The following RP1 variants were observed in gnomAD, a reference collection of about 807,000 sequenced individuals.
RP1 encodes oxygen-regulated protein 1.
A neutral mutation model predicts 14.8 loss-of-function variants in RP1; 16 were observed. The observed-to-expected ratio is 1.08, with a 90% confidence interval of 0.73 to 1.65. The LOEUF (loss-of-function observed/expected upper bound fraction) is 1.65, where lower values mean the gene tolerates loss of function less well. Among genes scored for constraint, RP1 ranks in the 40% most tolerant of loss-of-function variants. The pLI is 0.00. For synonymous variants in RP1, 876 were observed against 883.6 expected (o/e 0.99, Z 0.15); for missense variants, 2,631 against 2,535.0 (o/e 1.04, Z -0.81).
chr8:54,714,716 C>G (rs901119529), intron 15 of RP1, among the ~76,000 whole-genome samples: 1 of 152,232 alleles, frequency 6.6e-6, no homozygotes, highest in Admixed American at 6.5e-5. Context: ...GCTCTGCATG[C>G]ATTAAACTCA....
At chr8:54,777,908 G>A (rs1204987613) in intron 23 of RP1, among the ~76,000 whole-genome samples, 1 of 152,072 alleles carries the variant, frequency 6.6e-6, no homozygotes, top group African/African-American at 2.4e-5. Context: ...TGTCCTTTGT[G>A]TGAAAAATGA....
At chr8:54,576,092 G>A (rs1326866844) in intron 1 of RP1, among the ~76,000 whole-genome samples, 1 of 150,660 alleles carries the variant, frequency 6.6e-6, no homozygotes, top group Non-Finnish European at 1.5e-5. Flanking sequence ...CCAGGCTGGA[G>A]TGCAGTGGCG....
intron 24 of RP1, among the ~76,000 whole-genome samples, chr8:54,837,191 A>G (rs1384890289): frequency 1.3e-5 from 2 of 152,220 alleles, no homozygotes; most frequent in East Asian, 3.8e-4. Context: ...TGCATATTGC[A>G]AGATAGTAAT....
At chr8:54,863,043 G>GGA (rs1380137815) in intron 27 of RP1, among the ~76,000 whole-genome samples, 26 of 42,780 alleles carry the variant, frequency 6.1e-4, no homozygotes, top group Admixed American at 1.6e-3. Flanking sequence ...TATTCCAAAT[G>GGA]GATATATATA....
At chr8:54,702,907 G>A (rs1432307502) in intron 14 of RP1, among the ~76,000 whole-genome samples, 2 of 152,184 alleles carry the variant, frequency 1.3e-5, no homozygotes, top group Non-Finnish European at 2.9e-5. Flanking sequence ...TCCATAAGAA[G>A]TAATCTTTCA....
chr8:54,664,591 T>C (rs897076790), intron 7 of RP1, among the ~76,000 whole-genome samples: 1 of 152,158 alleles, frequency 6.6e-6, no homozygotes, highest in African/African-American at 2.4e-5. Context: ...CTAATGGCTA[T>C]GAAGGGATAT....
At chr8:54,798,040 G>A (rs555967688) in intron 24 of RP1, among the ~76,000 whole-genome samples, 1 of 152,188 alleles carries the variant, frequency 6.6e-6, no homozygotes, top group African/African-American at 2.4e-5. Context: ...TTGAGACAGA[G>A]TCTTACTCTG....
intron 8 of RP1, among the ~76,000 whole-genome samples, chr8:54,674,527 G>A (rs76412425): frequency 3.1e-4 from 43 of 136,826 alleles, no homozygotes; most frequent in East Asian, 1.3e-3. Flanking sequence ...AAAAAAAAAG[G>A]AAAAAAAAAC....
chr8:54,811,060 T>C (rs984578637), intron 24 of RP1, among the ~76,000 whole-genome samples: 2 of 152,188 alleles, frequency 1.3e-5, no homozygotes, highest in Non-Finnish European at 2.9e-5. Context: ...TTCTAGGTCT[T>C]TTGCTACCCT....
intron 24 of RP1, among the ~76,000 whole-genome samples, chr8:54,822,856 C>G (rs1281422722): frequency 6.6e-6 from 1 of 152,204 alleles, no homozygotes; most frequent in East Asian, 1.9e-4. Flanking sequence ...TCTCTCATCT[C>G]TTAGGATGAG....
At chr8:54,619,065 G>A (rs1284127582) in intron 1 of RP1, among the ~76,000 whole-genome samples, 4 of 152,232 alleles carry the variant, frequency 2.6e-5, no homozygotes, top group African/African-American at 9.6e-5. Flanking sequence ...GACCAGATGA[G>A]GATGAGAAGA....
chr8:54,852,439 A>C (rs1188412051), intron 25 of RP1: 2 of 494,068 alleles, frequency 4.0e-6, no homozygotes, highest in African/African-American at 4.0e-5. Flanking sequence ...AAGGGGGTAC[A>C]TAGAAGAAAA....
At chr8:54,755,869 G>A (rs1809494574) in intron 21 of RP1, 1 of 1,135,128 alleles carries the variant, frequency 8.8e-7, no homozygotes, top group Non-Finnish European at 1.2e-6. Context: ...TCTTCAAATT[G>A]TAGTTTTAAG....
intron 7 of RP1, among the ~76,000 whole-genome samples, chr8:54,667,654 G>C (rs1476810626): frequency 1.3e-5 from 2 of 152,070 alleles, no homozygotes; most frequent in Non-Finnish European, 2.9e-5. Flanking sequence ...TTCCCAGTGT[G>C]TGTGTGTTGC....
chr8:54,799,872 T>C (rs1293641986), intron 24 of RP1, among the ~76,000 whole-genome samples: 3 of 152,052 alleles, frequency 2.0e-5, no homozygotes, highest in Non-Finnish European at 2.9e-5. Flanking sequence ...TAAATAGTTA[T>C]ATTTTAGAGA....
chr8:54,714,182 TC>T (rs1808351652), intron 15 of RP1, among the ~76,000 whole-genome samples: 1 of 152,176 alleles, frequency 6.6e-6, no homozygotes, highest in African/African-American at 2.4e-5. Flanking sequence ...TGCCTCAGCC[TC>T]CCAAAGTGCT....
intron 24 of RP1, among the ~76,000 whole-genome samples, chr8:54,816,452 A>T (rs140911062): frequency 7.2e-5 from 11 of 152,370 alleles, no homozygotes; most frequent in Non-Finnish European, 1.3e-4. Flanking sequence ...TGGACTTTTA[A>T]TGAAAAGTCT....
downstream of RP1, among the ~76,000 whole-genome samples, chr8:54,771,343 G>A (rs540047831): frequency 1.3e-5 from 2 of 152,086 alleles, no homozygotes; most frequent in East Asian, 3.9e-4. Flanking sequence ...GAACTTGGTG[G>A]GGCATATGTG....
Position 54,664,569 on chromosome 8 carries a change from T to A in RP1, c.1323+719T>A, listed in dbSNP as rs573871646. On this transcript the variant is annotated intron_variant, in intron 7 of 22. Transcript: ENST00000636932. ...TTGCCAAGACTTGTTAATTTTTTTT[T>A]ATGTAACCATCCTAATGGCTATGAA... 1.9e-4 allele frequency among the ~76,000 whole-genome samples: 29 copies of A among 152,282 alleles called. No individual in the cohort carries two copies. In the East Asian group the frequency reaches 3.3e-3, roughly 17 times the overall value.
Sources: allele counts gnomAD v4.1 joint callset (sites outside exome capture counted in the v4.1 genomes callset), GRCh38; gene constraint gnomAD v4.1.1; transcripts MANE v1.5; gene names NCBI Gene and HGNC (gene_info 2026-07-23, HGNC 2026-07-21).